The following DAPK1 variants were observed in gnomAD, a reference collection of about 807,000 sequenced individuals.
The protein encoded by DAPK1 is death-associated protein kinase 1.
In DAPK1, 56 loss-of-function variants were observed where a neutral mutation model predicts 144.9. That is an observed-to-expected ratio of 0.39 (90% confidence interval 0.31 to 0.48). DAPK1 has a LOEUF of 0.48. Ranked by LOEUF, DAPK1 falls within the 20% of genes least tolerant of loss-of-function variation. The probability of loss-of-function intolerance (pLI) is 0.95; values close to 1 mark genes in which losing one functional copy is unlikely to be tolerated. For missense variants in DAPK1, 1,454 were observed against 1,875.4 expected (o/e 0.78, Z 4.15); for synonymous variants, 690 against 749.0 (o/e 0.92, Z 1.29).
At chr9:87,591,127 A>G (rs541050850) in intron 2 of DAPK1, among the ~76,000 whole-genome samples, 11 of 152,358 alleles carry the variant, frequency 7.2e-5, no homozygotes, top group Admixed American at 1.3e-4. Context: ...AGTCAAAGCA[A>G]TTAGCCTCTA....
chr9:87,698,510 C>T, intron 22 of DAPK1, 146 bp from the exon 23 acceptor site: 1 of 660,058 alleles, frequency 1.5e-6, no homozygotes, highest in Non-Finnish European at 2.7e-6. Context: ...GCACAGCAGG[C>T]GTGGGGCCTT....
chr9:87,544,398 A>G (rs1421001), intron 2 of DAPK1, among the ~76,000 whole-genome samples: 115,248 of 152,188 alleles, frequency 0.76, 43,842 homozygotes, highest in Middle Eastern at 0.81. Flanking sequence ...TAGATATTGC[A>G]TGGATGAACA....
At chr9:87,569,291 A>G (rs1312646265) in intron 2 of DAPK1, among the ~76,000 whole-genome samples, 1 of 152,178 alleles carries the variant, frequency 6.6e-6, no homozygotes, top group East Asian at 1.9e-4. Context: ...CATCAGAAGC[A>G]CCCAGGAGCT....
rs1288107301 is a variant in DAPK1 at position 87,686,964 on chromosome 9, A to G, written c.2413+225A>G. 5.4e-6 allele frequency: 2 copies of G among 373,750 alleles called. No homozygotes were observed. The highest frequency in any genetic ancestry group is 3.3e-4 in the East Asian group (2 of 6,084). The allele number at this position is 373,750 out of a possible 1,614,324, so 23.2% of individuals were successfully genotyped here. On this transcript the variant is annotated intron_variant, in intron 21 of 25. Coordinates refer to ENST00000408954, the MANE Select transcript of DAPK1 (RefSeq NM_004938.4). This position sits in a 1 kb window ranked among gnomAD's most constrained non-coding sequence, Gnocchi z 4.2. ...GTCAGCGCCTAGTAAAGCACTTGGC[A>G]TACAGTAAGTGCTTGATAAATGACT... is the stretch of plus-strand genomic sequence containing the variant.
Position 87,651,295 on chromosome 9 carries a change from A to G in DAPK1, c.1627-232A>G, listed in dbSNP as rs36214021. 6.9e-3 allele frequency among the ~76,000 whole-genome samples: 1,046 copies of G among 152,340 alleles called. 26 individuals carry two copies. Among genetic ancestry groups the G allele is most frequent in the East Asian group, 0.066 (343 of 5,186 alleles). Reference sequence around the variant, plus strand: ...TGCTGAAGCCTAAATGAATCAAGCTAGTGTTCAGCTTAGGCTGTGATTATT... The same window carrying G: ...TGCTGAAGCCTAAATGAATCAAGCTGGTGTTCAGCTTAGGCTGTGATTATT... On this transcript the variant is annotated intron_variant, in intron 16 of 25. Transcript: ENST00000408954.
intron 2 of DAPK1, among the ~76,000 whole-genome samples, chr9:87,564,879 A>G (rs990949188): frequency 1.2e-4 from 19 of 152,294 alleles, no homozygotes; most frequent in Admixed American, 9.8e-4. Flanking sequence ...GCCACTGGCT[A>G]TTCTGATTCC....
rs754582198 is a variant in DAPK1, at chr9:87,604,967, G to T, written c.76G>T (p.Val26Phe). The stretch of plus-strand genomic sequence containing the variant: ...TTCTCTTTTCAGTGGACAGTTTGCG[G>T]TTGTGAAGAAATGCCGTGAGAAAAG... ...GEELGSGQFA[V>F]VKKCREKSTG... The change falls in exon 3 of 26, where the codon GTT becomes TTT. Residue 26 changes from valine (V) to phenylalanine (F), a missense_variant. Around this residue, in one of 2 missense-constraint regions of DAPK1, gnomAD observed 429 missense variants for 637.5 expected, o/e 0.67. Transcript: ENST00000408954. 1.1e-5 allele frequency: 18 copies of T among 1,613,972 alleles called. No homozygotes were observed. The South Asian group carries it at 1.9e-4, about 17-fold the overall frequency.
In DAPK1 at chr9:87,707,646, T is replaced by A; in HGVS notation, c.*282T>A. On this transcript the variant is annotated 3_prime_UTR_variant, in exon 26 of 26. Coordinates refer to ENST00000408954, the MANE Select transcript of DAPK1 (RefSeq NM_004938.4). The surrounding 1 kb of genome is among the most constrained non-coding windows in gnomAD (Gnocchi z 4.0). ...TCCTCTCAGTGTTTTGGACTCCATC[T>A]CTCATCCTCCAGTACCTTGCTTCTT... 1 of 515,732 alleles carries A rather than the reference T, an allele frequency of 1.9e-6. No individual in the cohort carries two copies. Among genetic ancestry groups the A allele is most frequent in the Non-Finnish European group, 3.5e-6 (1 of 286,376 alleles). The allele number at this position is 515,732 out of a possible 1,614,324, so 31.9% of individuals were successfully genotyped here.
chr9:87,572,011 C>A (rs1211382116), intron 2 of DAPK1, among the ~76,000 whole-genome samples: 1 of 152,170 alleles, frequency 6.6e-6, no homozygotes, highest in Non-Finnish European at 1.5e-5. Flanking sequence ...GTTCTTTGTT[C>A]ACTGGGGAGG....
chr9:87,675,578 T>G (rs1824336969), intron 19 of DAPK1, among the ~76,000 whole-genome samples: 1 of 151,944 alleles, frequency 6.6e-6, no homozygotes. Flanking sequence ...AGTTTGGGTT[T>G]GGGCCAAGTG....
intron 2 of DAPK1, among the ~76,000 whole-genome samples, chr9:87,543,894 A>G (rs1441483447): frequency 2.0e-5 from 3 of 152,170 alleles, no homozygotes; most frequent in Non-Finnish European, 4.4e-5. Flanking sequence ...GAGGACTCAG[A>G]AGATTTCATG....
intron 2 of DAPK1, among the ~76,000 whole-genome samples, chr9:87,596,555 A>G (rs1828325804): frequency 6.6e-6 from 1 of 152,164 alleles, no homozygotes; most frequent in South Asian, 2.1e-4. Flanking sequence ...GAAGCAGAGA[A>G]CTTGAAAAGT....
At chr9:87,500,266 A>C (rs58152862) in intron 2 of DAPK1, among the ~76,000 whole-genome samples, 1 of 152,354 alleles carries the variant, frequency 6.6e-6, no homozygotes, top group African/African-American at 2.4e-5. Flanking sequence ...GTATCGACTG[A>C]AAACATAGAT....
chr9:87,592,184 T>C (rs1828160465), intron 2 of DAPK1, among the ~76,000 whole-genome samples: 1 of 152,194 alleles, frequency 6.6e-6, no homozygotes, highest in Non-Finnish European at 1.5e-5. Context: ...AGGCCACCCA[T>C]GCTGGGAGGG....
At chr9:87,614,381 G>C (rs1442055092) in intron 3 of DAPK1, among the ~76,000 whole-genome samples, 4 of 152,156 alleles carry the variant, frequency 2.6e-5, no homozygotes, top group Non-Finnish European at 5.9e-5. Context: ...TGGAATCTCT[G>C]TTTATCTCCA....
Position 87,649,901 on chromosome 9 carries a change from G to C in DAPK1, c.1429-20G>C. The C allele has an allele frequency of 2.5e-6, 4 of 1,612,916 alleles. No homozygotes were observed. The highest frequency in any genetic ancestry group is 3.4e-6 in the Non-Finnish European group (4 of 1,178,944). On this transcript the variant is annotated intron_variant, in intron 15 of 25. Coordinates refer to ENST00000408954, the MANE Select transcript of DAPK1 (RefSeq NM_004938.4). ...TCATTATTGTGTTCTCCTCCTCTCT[G>C]TACTCGTCTCCTTGGCCAGGAAGAA...
chr9:87,587,107 C>T (rs1160877702), intron 2 of DAPK1, among the ~76,000 whole-genome samples: 2 of 152,224 alleles, frequency 1.3e-5, no homozygotes, highest in South Asian at 2.1e-4. Flanking sequence ...GTGTTCTAAT[C>T]GCTGTACAGG....
At chr9:87,525,505 C>A in intron 2 of DAPK1, 3 of 1,269,768 alleles carry the variant, frequency 2.4e-6, no homozygotes, top group Non-Finnish European at 3.4e-6. Flanking sequence ...TTATCCAAGG[C>A]ATATACTCAA....
intron 2 of DAPK1, among the ~76,000 whole-genome samples, chr9:87,518,105 G>GTTTTTTTTTTTT (rs1178414186): frequency 3.4e-4 from 12 of 35,596 alleles, no homozygotes; most frequent in Admixed American, 5.5e-4. Context: ...TTATGTTGTT[G>GTTTTTTTTTTTT]TTTTTTTTTT....
Sources: allele counts gnomAD v4.1 joint callset (sites outside exome capture counted in the v4.1 genomes callset), GRCh38; gene constraint gnomAD v4.1.1; regional missense constraint gnomAD v4.1.1; non-coding constraint Gnocchi (gnomAD v3.1); transcripts MANE v1.5; gene names NCBI Gene and HGNC (gene_info 2026-07-23, HGNC 2026-07-21).